Variants in ATP10D observed in about 807,000 individuals in gnomAD.
The protein encoded by ATP10D is ATPase phospholipid transporting 10D (putative).
Under a neutral mutation model 144.8 loss-of-function variants are expected in ATP10D, and 89 were observed. The ratio of observed to expected loss-of-function variants is 0.61; its 90% CI spans 0.52 to 0.73. The LOEUF (loss-of-function observed/expected upper bound fraction) is 0.73. Among genes scored for constraint, ATP10D ranks in the 30% least tolerant of loss-of-function variants. ATP10D has a pLI of 0.00. For missense variants in ATP10D, 1,603 were observed against 1,714.8 expected (o/e 0.93, Z 1.15); for synonymous variants, 571 against 615.1 (o/e 0.93, Z 1.06).
intron 1 of ATP10D, among the ~76,000 whole-genome samples, chr4:47,503,241 T>C (rs896356295): frequency 9.2e-5 from 14 of 151,950 alleles, no homozygotes; most frequent in African/African-American, 3.1e-4. Flanking sequence ...ATAAAACATA[T>C]CACTTATTGC....
intron 21 of ATP10D, chr4:47,583,332 G>A (rs1391612534): frequency 6.6e-6 from 1 of 152,102 alleles, no homozygotes; most frequent in Non-Finnish European, 1.5e-5. Context: ...CAGTTTTTGG[G>A]TTATGTTTAC....
At chr4:47,552,412 T>G (rs1718773266) in intron 10 of ATP10D, among the ~76,000 whole-genome samples, 1 of 152,334 alleles carries the variant, frequency 6.6e-6, no homozygotes, top group African/African-American at 2.4e-5. Context: ...AGCCAGCAGA[T>G]TTGGGGTCTG....
rs567316897 is a variant in ATP10D at position 47,521,345 on chromosome 4, G to A, written c.486-1667G>A. 5.9e-5 allele frequency among the ~76,000 whole-genome samples: 9 copies of A among 152,252 alleles called. No homozygotes were observed. In the South Asian group the frequency reaches 8.3e-4, roughly 14 times the overall value. On this transcript the variant is annotated intron_variant, in intron 3 of 22. Transcript: ENST00000273859. ...CACCATCCATCACCTCATAGTACACGTTAGGAACCATAGTGTCACCCTGGA... is the reference window on the plus strand; with the variant it reads ...CACCATCCATCACCTCATAGTACACATTAGGAACCATAGTGTCACCCTGGA...
At chr4:47,502,250 G>A (rs1460427577) in intron 1 of ATP10D, among the ~76,000 whole-genome samples, 2 of 152,072 alleles carry the variant, frequency 1.3e-5, no homozygotes, top group African/African-American at 4.8e-5. Flanking sequence ...CGAGGCGGGC[G>A]GATCACGAGG....
At chr4:47,524,034 C>G (rs1717108138) in intron 4 of ATP10D, among the ~76,000 whole-genome samples, 1 of 152,222 alleles carries the variant, frequency 6.6e-6, no homozygotes, top group African/African-American at 2.4e-5. Flanking sequence ...TCAAATGATA[C>G]TCCTGCCTCA....
Position 47,554,933 on chromosome 4 carries a change from G to A in ATP10D, c.1824+19G>A. 6.2e-7 allele frequency: 1 copy of A among 1,605,322 alleles called. No homozygotes were observed. Among genetic ancestry groups the A allele is most frequent in the Non-Finnish European group, 8.5e-7 (1 of 1,173,158 alleles). ...ACAAAAGGTGAGTAAGTTCTCTAAT[G>A]CAAACAAGGGTCACTTTCCAGAAGA... On this transcript the variant is annotated intron_variant, in intron 11 of 22. Transcript: ENST00000273859.
At chr4:47,551,292 A>T (rs566332479) in intron 10 of ATP10D, among the ~76,000 whole-genome samples, 2 of 152,324 alleles carry the variant, frequency 1.3e-5, no homozygotes, top group Non-Finnish European at 2.9e-5. Context: ...AAAATTTGAG[A>T]TAGGCAGATA....
chr4:47,549,244 T>A (rs1042448228), intron 10 of ATP10D, among the ~76,000 whole-genome samples: 4 of 152,244 alleles, frequency 2.6e-5, no homozygotes, highest in Non-Finnish European at 4.4e-5. Flanking sequence ...TCTTAGATCT[T>A]TGTATAGCTG....
intron 1 of ATP10D, among the ~76,000 whole-genome samples, chr4:47,508,201 ATT>A (rs2109396299): frequency 2.0e-5 from 3 of 152,294 alleles, no homozygotes; most frequent in African/African-American, 7.2e-5. Context: ...GAAGAATGAG[ATT>A]AGGTAGTATG....
chr4:47,486,712 T>C (rs935232134), intron 1 of ATP10D, among the ~76,000 whole-genome samples: 3 of 152,250 alleles, frequency 2.0e-5, no homozygotes, highest in African/African-American at 7.2e-5. Context: ...ATTGAGATAG[T>C]TTATTTTTAT....
intron 15 of ATP10D, 67 bp from the exon 16 acceptor site, chr4:47,568,769 TA>T: frequency 2.2e-6 from 3 of 1,373,696 alleles, no homozygotes; most frequent in Non-Finnish European, 3.0e-6. Flanking sequence ...AAAATGACAA[TA>T]AAAAATGTAA....
chr4:47,497,716 CCTAT>C (rs1049808873), intron 1 of ATP10D, among the ~76,000 whole-genome samples: 5 of 152,092 alleles, frequency 3.3e-5, no homozygotes, highest in Non-Finnish European at 4.4e-5. Flanking sequence ...TTAATAAAAG[CCTAT>C]CTATATATGC....
At chr4:47,517,072 T>C (rs957775028) in intron 3 of ATP10D, among the ~76,000 whole-genome samples, 2 of 152,176 alleles carry the variant, frequency 1.3e-5, no homozygotes, top group African/African-American at 2.4e-5. Context: ...ATTTAGCAAA[T>C]GGAAAGAATG....
intron 11 of ATP10D, among the ~76,000 whole-genome samples, chr4:47,555,389 A>G (rs1176737540): frequency 1.3e-5 from 2 of 152,234 alleles, no homozygotes; most frequent in South Asian, 2.1e-4. Flanking sequence ...CCCTGGTGCC[A>G]AAAAGGTTGA....
chr4:47,560,614 C>A (rs1478463586), intron 13 of ATP10D, among the ~76,000 whole-genome samples: 1 of 152,216 alleles, frequency 6.6e-6, no homozygotes, highest in African/African-American at 2.4e-5. Context: ...CCATTAGAAT[C>A]AAACTGGATT....
chr4:47,515,882 A>G (rs1272607109), intron 3 of ATP10D, among the ~76,000 whole-genome samples: 1 of 152,232 alleles, frequency 6.6e-6, no homozygotes, highest in Non-Finnish European at 1.5e-5. Flanking sequence ...TTGTCAACCC[A>G]GGAGCCGACA....
At chr4:47,526,346 A>G (rs1717244418) in intron 5 of ATP10D, among the ~76,000 whole-genome samples, 1 of 152,246 alleles carries the variant, frequency 6.6e-6, no homozygotes, top group African/African-American at 2.4e-5. Flanking sequence ...TGGTCATCTC[A>G]TAGATGTAGA....
intron 22 of ATP10D, among the ~76,000 whole-genome samples, chr4:47,590,145 G>A (rs1309209286): frequency 6.6e-6 from 1 of 152,100 alleles, no homozygotes; most frequent in African/African-American, 2.4e-5. Context: ...GCTAAATTGT[G>A]TTCTACAGTA....
At chr4:47,515,861 C>T (rs929747193) in intron 3 of ATP10D, among the ~76,000 whole-genome samples, 191 bp downstream of exon 3, 4 of 152,170 alleles carry the variant, frequency 2.6e-5, no homozygotes, top group African/African-American at 9.7e-5. Flanking sequence ...AAAACAAAAA[C>T]GTATAAGCCA....
Sources: allele counts gnomAD v4.1 joint callset (sites outside exome capture counted in the v4.1 genomes callset), GRCh38; gene constraint gnomAD v4.1.1; transcripts MANE v1.5; gene names NCBI Gene and HGNC (gene_info 2026-07-23, HGNC 2026-07-21).